Variants in SEZ6L observed in about 807,000 individuals in gnomAD.
The protein encoded by SEZ6L is seizure related 6 homolog like.
SEZ6L carries 37 observed loss-of-function variants against 106.2 expected under a neutral mutation model. That is an observed-to-expected ratio of 0.35 (90% CI 0.27 to 0.46). The LOEUF (loss-of-function observed/expected upper bound fraction) is 0.46, where lower values mean the gene tolerates loss of function less well. Among genes scored for constraint, SEZ6L ranks in the 20% least tolerant of loss-of-function variants. The pLI is 1.00. For missense variants in SEZ6L, 1,172 were observed against 1,332.8 expected, an observed-to-expected ratio of 0.88 and a Z score of 1.88; for synonymous variants, 541 against 570.4, an observed-to-expected ratio of 0.95 and a Z score of 0.73.
At chr22:26,290,389 G>A (rs1040711205) in intron 1 of SEZ6L, among the ~76,000 whole-genome samples, 2 of 152,172 alleles carry the variant, frequency 1.3e-5, no homozygotes, top group African/African-American at 2.4e-5. Flanking sequence ...AAAATTAGCT[G>A]GGCATGGTGG....
intron 11 of SEZ6L, among the ~76,000 whole-genome samples, chr22:26,350,385 G>A (rs1270657506): frequency 6.6e-6 from 1 of 151,572 alleles, no homozygotes; most frequent in East Asian, 1.9e-4. Flanking sequence ...ACCCCACCAT[G>A]CCCCATTAAT....
intron 16 of SEZ6L, among the ~76,000 whole-genome samples, chr22:26,378,277 T>G (rs1390534718): frequency 1.3e-5 from 2 of 152,206 alleles, no homozygotes. Flanking sequence ...CTGGGCACTT[T>G]AAATGCATAA....
chr22:26,217,532 C>T (rs1183541813), intron 1 of SEZ6L, among the ~76,000 whole-genome samples: 5 of 152,196 alleles, frequency 3.3e-5, no homozygotes, highest in Non-Finnish European at 7.3e-5. Flanking sequence ...GAAGACAGCT[C>T]TGTCTCTTCC....
chr22:26,175,761 G>A, intron 1 of SEZ6L, among the ~76,000 whole-genome samples: 1 of 151,892 alleles, frequency 6.6e-6, no homozygotes, highest in East Asian at 1.9e-4. Flanking sequence ...TATAAAATTG[G>A]TTTCTGTAAG....
intron 9 of SEZ6L, among the ~76,000 whole-genome samples, chr22:26,328,838 G>A (rs2082397916): frequency 6.6e-6 from 1 of 152,190 alleles, no homozygotes; most frequent in Non-Finnish European, 1.5e-5. Context: ...GAGCCTCTCT[G>A]AAGTCAGGGC....
intron 1 of SEZ6L, among the ~76,000 whole-genome samples, chr22:26,248,721 A>G (rs976652917): frequency 6.6e-6 from 1 of 152,202 alleles, no homozygotes; most frequent in African/African-American, 2.4e-5. Context: ...TTAAGTTGTG[A>G]GTGGCATTTT....
chr22:26,324,064 C>CCACACACACACA (rs71311560), intron 9 of SEZ6L, among the ~76,000 whole-genome samples: 1,958 of 140,234 alleles, frequency 0.014, 13 homozygotes, highest in Admixed American at 0.025. Context: ...CAGTTTTTAA[C>CCACACACACACA]CACACACACA....
chr22:26,292,030 AG>A (rs2081131583), intron 1 of SEZ6L, among the ~76,000 whole-genome samples: 1 of 88,622 alleles, frequency 1.1e-5, no homozygotes, highest in Admixed American at 1.1e-4. Flanking sequence ...GAAGGAAGGA[AG>A]GAAGGATGGA....
chr22:26,222,089 TG>T (rs1282638873), intron 1 of SEZ6L, among the ~76,000 whole-genome samples: 1 of 152,076 alleles, frequency 6.6e-6, no homozygotes, highest in Non-Finnish European at 1.5e-5. Flanking sequence ...GGGGTGGCAG[TG>T]GGTGGCTGTT....
intron 14 of SEZ6L, 54 bp from the exon 15 acceptor site, chr22:26,375,521 T>C: frequency 1.4e-6 from 2 of 1,458,092 alleles, no homozygotes; most frequent in Non-Finnish European, 1.9e-6. Flanking sequence ...AGTTGGGCAC[T>C]CACTGGGAGT....
chr22:26,363,422 G>C (rs562807525), intron 12 of SEZ6L, among the ~76,000 whole-genome samples: 1 of 152,298 alleles, frequency 6.6e-6, no homozygotes, highest in South Asian at 2.1e-4. Flanking sequence ...CATAATAATT[G>C]CTCAATAAAC....
chr22:26,268,088 G>A (rs180981852), intron 1 of SEZ6L, among the ~76,000 whole-genome samples: 2,246 of 152,278 alleles, frequency 0.015, 35 homozygotes, highest in Middle Eastern at 0.031. Context: ...GTGGCAAATA[G>A]CCCAGGCCAT....
At chr22:26,323,731 C>T (rs2082220782) in intron 9 of SEZ6L, among the ~76,000 whole-genome samples, 1 of 152,164 alleles carries the variant, frequency 6.6e-6, no homozygotes, top group Non-Finnish European at 1.5e-5. Context: ...TTTACCCCTA[C>T]TATATCCCAG....
At chr22:26,359,202 A>G (rs1485157344) in intron 12 of SEZ6L, among the ~76,000 whole-genome samples, 1 of 152,104 alleles carries the variant, frequency 6.6e-6, no homozygotes, top group Non-Finnish European at 1.5e-5. Flanking sequence ...GCTGGGGAAA[A>G]ATTCCATATG....
intron 1 of SEZ6L, among the ~76,000 whole-genome samples, chr22:26,280,562 T>C (rs1346242236): frequency 6.6e-6 from 1 of 152,188 alleles, no homozygotes; most frequent in Non-Finnish European, 1.5e-5. Context: ...TTATTGCTAG[T>C]AGGACTAAGC....
intron 13 of SEZ6L, among the ~76,000 whole-genome samples, chr22:26,369,893 A>T (rs2083967527): frequency 6.6e-6 from 1 of 151,878 alleles, no homozygotes; most frequent in Non-Finnish European, 1.5e-5. Flanking sequence ...CTGGGATTAC[A>T]GGCGTGAGCC....
chr22:26,194,131 T>C (rs886118228), intron 1 of SEZ6L, among the ~76,000 whole-genome samples: 3 of 152,060 alleles, frequency 2.0e-5, no homozygotes, highest in Non-Finnish European at 4.4e-5. Context: ...CATTGCAAGC[T>C]CAGGAAAGAG....
At chr22:26,354,423 G>A (rs935888515) in intron 12 of SEZ6L, among the ~76,000 whole-genome samples, 6 of 152,180 alleles carry the variant, frequency 3.9e-5, no homozygotes, top group African/African-American at 1.4e-4. Context: ...CAGAGGGAGT[G>A]TGGCCCTGCT....
At chr22:26,343,039 T>C (rs893833675) in intron 10 of SEZ6L, among the ~76,000 whole-genome samples, 1 of 152,220 alleles carries the variant, frequency 6.6e-6, no homozygotes, top group Non-Finnish European at 1.5e-5. Flanking sequence ...TTACCTTTGA[T>C]TGTGCTGCTA....
Sources: allele counts gnomAD v4.1 joint callset (sites outside exome capture counted in the v4.1 genomes callset), GRCh38; gene constraint gnomAD v4.1.1; transcripts MANE v1.5; gene names NCBI Gene and HGNC (gene_info 2026-07-23, HGNC 2026-07-21).